The following ACBD6 variants were observed in gnomAD, a reference collection of about 807,000 sequenced individuals.
ACBD6 encodes the protein acyl-CoA-binding domain-containing protein 6.
A neutral mutation model predicts 37.2 loss-of-function variants in ACBD6; 28 were observed. The observed-to-expected ratio is 0.75, with a 90% CI of 0.56 to 1.03. The LOEUF is 1.03. ACBD6 is among the 50% of genes least tolerant of loss of function. The pLI, the probability that ACBD6 is intolerant of heterozygous loss-of-function variation, is 0.00. For synonymous variants in ACBD6, 113 were observed against 126.8 expected (o/e 0.89, Z 0.73); for missense variants, 340 against 337.4 (o/e 1.01, Z -0.06).
chr1:180,388,424 T>C (rs1306840150), intron 6 of ACBD6, among the ~76,000 whole-genome samples: 1 of 152,194 alleles, frequency 6.6e-6, no homozygotes, highest in Non-Finnish European at 1.5e-5. Context: ...TTAAATGCAC[T>C]CTTTCAGAGA....
chr1:180,421,077 G>C (rs1648343093), intron 4 of ACBD6, among the ~76,000 whole-genome samples: 1 of 152,000 alleles, frequency 6.6e-6, no homozygotes, highest in Admixed American at 6.6e-5. Flanking sequence ...TATGTAAATA[G>C]GTGCCATGGT....
chr1:180,455,181 T>G (rs887688109), intron 3 of ACBD6, among the ~76,000 whole-genome samples: 6 of 152,034 alleles, frequency 3.9e-5, no homozygotes, highest in African/African-American at 1.4e-4. Context: ...CATGGAATAT[T>G]ATGCAGCCAT....
chr1:180,372,920 T>A (rs1034073693), intron 6 of ACBD6, among the ~76,000 whole-genome samples: 1 of 152,184 alleles, frequency 6.6e-6, no homozygotes, highest in African/African-American at 2.4e-5. Context: ...TTGCTATTGA[T>A]CTGCCTGGTC....
intron 6 of ACBD6, among the ~76,000 whole-genome samples, chr1:180,386,231 GTATTTTCAACTTATGA>G (rs1332765493): frequency 5.9e-5 from 9 of 152,198 alleles, no homozygotes; most frequent in Non-Finnish European, 1.0e-4. Flanking sequence ...TGTATTAAGT[GTATTTTCAACTTATGA>G]TATTTTCAAC....
chr1:180,467,783 G>A (rs1432982175), intron 3 of ACBD6, among the ~76,000 whole-genome samples: 1 of 151,864 alleles, frequency 6.6e-6, no homozygotes, highest in Non-Finnish European at 1.5e-5. Context: ...GTATTTCACT[G>A]TATGATATAT....
At chr1:180,482,484 TAA>T (rs1238385983) in intron 3 of ACBD6, among the ~76,000 whole-genome samples, 1 of 149,298 alleles carries the variant, frequency 6.7e-6, no homozygotes, top group Non-Finnish European at 1.5e-5. Flanking sequence ...CGAGTAAATA[TAA>T]AAGTTTTAAA....
chr1:180,421,172 C>G (rs1183162208), intron 4 of ACBD6, among the ~76,000 whole-genome samples: 4 of 152,140 alleles, frequency 2.6e-5, no homozygotes, highest in Admixed American at 2.6e-4. Flanking sequence ...TCTCCCTCCC[C>G]CTACTCCCCA....
chr1:180,450,534 G>A (rs1418491576), intron 3 of ACBD6, among the ~76,000 whole-genome samples: 2 of 152,178 alleles, frequency 1.3e-5, no homozygotes, highest in African/African-American at 4.8e-5. Context: ...CCAGGCAGGT[G>A]GATCACGAGG....
chr1:180,328,412 T>C (rs1022354095), intron 6 of ACBD6, among the ~76,000 whole-genome samples: 6 of 150,924 alleles, frequency 4.0e-5, no homozygotes, highest in Admixed American at 1.3e-4. Context: ...TTCTCTTCAG[T>C]GTAACTGGAT....
At chr1:180,273,314 A>C (rs1329025570) in intron 12 of ACBD6, 1 of 152,408 alleles carries the variant, frequency 6.6e-6, no homozygotes, top group African/African-American at 2.4e-5. Flanking sequence ...GGCCTTGGGG[A>C]CAGCTCATGG....
At chr1:180,382,443 T>A (rs1180976824) in intron 6 of ACBD6, among the ~76,000 whole-genome samples, 2 of 151,794 alleles carry the variant, frequency 1.3e-5, no homozygotes, top group Non-Finnish European at 2.9e-5. Flanking sequence ...ATAAAAAAAC[T>A]AGAAAACCTA....
chr1:180,288,460 G>C lies in ACBD6; in HGVS notation c.752C>G (p.Pro251Arg), dbSNP rs1483952738. The change falls in exon 8 of 8, where the codon CCC becomes CGC. Residue 251 changes from proline (P) to arginine (R), a missense_variant. Pro to Arg is a moderately radical substitution (Grantham distance 103, BLOSUM62 -2). Transcript: ENST00000367595. ...GCAGCCATCCTGGTCTCGGAGAGTGGGGTCAGCACCAGACTGGAGCAGCAG... is the reference window on the plus strand; with the variant it reads ...GCAGCCATCCTGGTCTCGGAGAGTGCGGTCAGCACCAGACTGGAGCAGCAG... ...VELLLQSGAD[P>R]TLRDQDGCLP... 1.2e-6 allele frequency: 2 copies of C among 1,613,728 alleles called. No individual in the cohort carries two copies.
chr1:180,482,521 AG>A (rs1022762784), intron 3 of ACBD6, among the ~76,000 whole-genome samples: 7 of 151,960 alleles, frequency 4.6e-5, no homozygotes, highest in African/African-American at 1.7e-4. Flanking sequence ...AAAAAAAAAA[AG>A]CAAGAGAGAA....
intron 3 of ACBD6, among the ~76,000 whole-genome samples, chr1:180,460,151 G>GC (rs1331713034): frequency 5.5e-5 from 8 of 144,778 alleles, no homozygotes; most frequent in Non-Finnish European, 1.1e-4. Flanking sequence ...CCCACAGTAG[G>GC]CCCCGGTGTG....
At chr1:180,461,309 C>A (rs1032470788) in intron 3 of ACBD6, among the ~76,000 whole-genome samples, 5 of 152,122 alleles carry the variant, frequency 3.3e-5, no homozygotes, top group African/African-American at 1.2e-4. Flanking sequence ...GAGAAGGGAA[C>A]CAATTTGGAA....
At chr1:180,378,131 T>C (rs907167808) in intron 6 of ACBD6, among the ~76,000 whole-genome samples, 1 of 151,998 alleles carries the variant, frequency 6.6e-6, no homozygotes, top group East Asian at 1.9e-4. Context: ...GGTTAACATC[T>C]CCAGTAATCA....
chr1:180,287,005 T>C (rs1649523286), downstream of ACBD6: 1 of 152,236 alleles, frequency 6.6e-6, no homozygotes, highest in Non-Finnish European at 1.5e-5. Context: ...ATTTCATTTC[T>C]CTTCCTATGT....
At chr1:180,460,340 TC>T (rs139601987) in intron 3 of ACBD6, among the ~76,000 whole-genome samples, 2,981 of 152,068 alleles carry the variant, frequency 0.02, 100 homozygotes, top group African/African-American at 0.067. Flanking sequence ...ACTTAGCCGT[TC>T]CAGCCTCCAG....
At chr1:180,463,624 G>T (rs1470984651) in intron 3 of ACBD6, among the ~76,000 whole-genome samples, 1 of 151,910 alleles carries the variant, frequency 6.6e-6, no homozygotes, top group Non-Finnish European at 1.5e-5. Flanking sequence ...TTCTATCAGA[G>T]GTACAAAGAA....
Sources: gnomAD v4.1 joint callset for allele counts (sites outside exome capture counted in the v4.1 genomes callset) on GRCh38, gnomAD v4.1.1 for gene constraint, MANE v1.5 for transcripts, NCBI Gene and HGNC (gene_info 2026-07-23, HGNC 2026-07-21) for gene names.